Variants in PCDHGA9 observed in about 807,000 individuals in gnomAD.
PCDHGA9 encodes the protein protocadherin gamma-A9.
Under a neutral mutation model 62.5 loss-of-function variants are expected in PCDHGA9, and 37 were observed. The observed-to-expected ratio is 0.59, with a 90% confidence interval of 0.46 to 0.78. The LOEUF (loss-of-function observed/expected upper bound fraction) is 0.78. Ranked by LOEUF, PCDHGA9 falls within the 30% of genes least tolerant of loss-of-function variation. The pLI is 0.00. For missense variants in PCDHGA9, 1,138 were observed against 1,166.2 expected (o/e 0.98, Z 0.35); for synonymous variants, 459 against 484.6 (o/e 0.95, Z 0.69).
chr5:141,474,654 T>C (rs2099352669), intron 1 of PCDHGA9, among the ~76,000 whole-genome samples: 1 of 152,250 alleles, frequency 6.6e-6, no homozygotes, highest in African/African-American at 2.4e-5. Context: ...CTTACTTCTT[T>C]TCTACCTACC....
intron 2 of PCDHGA9, among the ~76,000 whole-genome samples, chr5:141,501,306 C>T (rs1016823458): frequency 5.3e-5 from 8 of 151,412 alleles, no homozygotes; most frequent in Non-Finnish European, 8.8e-5. Context: ...CACACACACA[C>T]ACACACACAC....
At chr5:141,422,002 G>A (rs754599902) in intron 1 of PCDHGA9, 41 of 1,609,306 alleles carry the variant, frequency 2.5e-5, no homozygotes, top group Non-Finnish European at 3.1e-5. Flanking sequence ...CATCAGCTCC[G>A]GAACTCGGGT....
intron 1 of PCDHGA9, among the ~76,000 whole-genome samples, chr5:141,475,520 C>T (rs2099364531): frequency 6.6e-6 from 1 of 152,204 alleles, no homozygotes; most frequent in Non-Finnish European, 1.5e-5. Context: ...CACGGAAATG[C>T]TAAATGCCTC....
chr5:141,484,068 G>C (rs1287427208), intron 1 of PCDHGA9, among the ~76,000 whole-genome samples: 1 of 152,114 alleles, frequency 6.6e-6, no homozygotes, highest in African/African-American at 2.4e-5. Flanking sequence ...TAAGTGAAAA[G>C]CTTGCTCTTT....
chr5:141,418,606 T>A (rs1279991875), intron 1 of PCDHGA9: 1 of 1,614,030 alleles, frequency 6.2e-7, no homozygotes. Context: ...TGTACAGGGT[T>A]AGCCTTCGGG....
chr5:141,510,613 C>T (rs559713771), intron 3 of PCDHGA9, among the ~76,000 whole-genome samples: 17 of 152,298 alleles, frequency 1.1e-4, no homozygotes, highest in Admixed American at 2.0e-4. Context: ...TTAGCATTCA[C>T]TAAAACCAGA....
Position 141,420,043 on chromosome 5 carries a change from G to T in PCDHGA9, c.2424+14667G>T, listed in dbSNP as rs747553514. On this transcript the variant is annotated intron_variant, in intron 1 of 3. Coordinates refer to ENST00000573521, the MANE Select transcript of PCDHGA9 (RefSeq NM_018921.3). ...GCCCTACTGCAGGAGACTGCTTTGAGTCAGTTCTCTGCTCCAAGTCCGGAC... is the reference window on the plus strand; with the variant it reads ...GCCCTACTGCAGGAGACTGCTTTGATTCAGTTCTCTGCTCCAAGTCCGGAC... The T allele has an allele frequency of 1.9e-6, 3 of 1,614,078 alleles. No individual in the cohort carries two copies. In the Admixed American group the frequency reaches 5.0e-5, roughly 27 times the overall value.
At chr5:141,410,631 C>A (rs1227907799) in intron 1 of PCDHGA9, 1 of 1,600,936 alleles carries the variant, frequency 6.2e-7, no homozygotes, top group East Asian at 2.2e-5. Context: ...GTGAGTTTCT[C>A]TTTTTTGTGT....
chr5:141,403,577 C>A lies in PCDHGA9; in HGVS notation c.625C>A (p.His209Asn), dbSNP rs1188693688. ...GGACAGGGAGGAGGCAACTGCCCAC[C>A]ACCTGGTCCTCACGGCCTCGGATGG... ...ALDREEATAH[H>N]LVLTASDGGE... is the part of the protein sequence containing the mutation. The change falls in exon 1 of 4, where the codon CAC becomes AAC. Residue 209 changes from histidine (H) to asparagine (N), a missense_variant. Physicochemically the swap from His to Asn is moderately conservative, Grantham distance 68. Coordinates refer to ENST00000573521, the MANE Select transcript of PCDHGA9 (RefSeq NM_018921.3). 5 of 1,613,812 alleles carry A rather than the reference C, an allele frequency of 3.1e-6. No individual in the cohort carries two copies. The highest frequency in any genetic ancestry group is 3.4e-6 in the Non-Finnish European group (4 of 1,179,902).
At chr5:141,478,098 C>T (rs779493391) in intron 1 of PCDHGA9, 1 of 1,614,142 alleles carries the variant, frequency 6.2e-7, no homozygotes, top group South Asian at 1.1e-5. Flanking sequence ...ACCACTGCTA[C>T]CCTCACTGTG....
intron 1 of PCDHGA9, chr5:141,409,345 A>G (rs1012428329): frequency 6.2e-7 from 1 of 1,614,020 alleles, no homozygotes; most frequent in Non-Finnish European, 8.5e-7. Flanking sequence ...GAAATGGAGA[A>G]GTCAGGTGTA....
At chr5:141,508,017 G>C (rs2099865601) in intron 3 of PCDHGA9, 1 of 152,310 alleles carries the variant, frequency 6.6e-6, no homozygotes, top group Non-Finnish European at 1.5e-5. Context: ...TCTCAAGGAG[G>C]CTGCGGTTTG....
At chr5:141,459,137 G>C (rs1336232891) in intron 1 of PCDHGA9, among the ~76,000 whole-genome samples, 1 of 152,190 alleles carries the variant, frequency 6.6e-6, no homozygotes, top group Non-Finnish European at 1.5e-5. Context: ...TAACCACCAT[G>C]CAATCAAAAT....
At chr5:141,407,856 G>A (rs1038275806) in intron 1 of PCDHGA9, among the ~76,000 whole-genome samples, 2 of 152,210 alleles carry the variant, frequency 1.3e-5, no homozygotes, top group African/African-American at 4.8e-5. Context: ...ATGTACACCT[G>A]CATTTTCGAA....
chr5:141,484,988 G>A (rs1187402042), intron 1 of PCDHGA9: 2 of 604,830 alleles, frequency 3.3e-6, no homozygotes, highest in Admixed American at 3.0e-5. Context: ...CAATCGGGTG[G>A]TGAAAGGCAG....
At position 141,512,114 on chromosome 5, in the gene PCDHGA9, C is replaced by T. The variant is rs2099884080; in HGVS notation, c.*941C>T. ...TAACTAGGCTGGACCCTTCCCACTA[C>T]ATAATAGGGCTCAGCCCAGGCAGCC... On this transcript the variant is annotated 3_prime_UTR_variant, in exon 4 of 4. Coordinates refer to ENST00000573521, the MANE Select transcript of PCDHGA9 (RefSeq NM_018921.3). 2 of 152,696 alleles carry T rather than the reference C, an allele frequency of 1.3e-5. No homozygotes were observed. Among genetic ancestry groups the T allele is most frequent in the African/African-American group, 4.8e-5 (2 of 41,468 alleles). 9.5% of individuals were successfully genotyped at this position (152,696 alleles called of 1,614,324 possible).
chr5:141,419,894 C>T (rs1590201850), intron 1 of PCDHGA9: 2 of 1,613,926 alleles, frequency 1.2e-6, no homozygotes, highest in East Asian at 2.2e-5. Flanking sequence ...CAGCGACCAT[C>T]CCACACCCTC....
At position 141,431,277 on chromosome 5, in the gene PCDHGA9, G is replaced by T; in HGVS notation, c.2424+25901G>T. 6.2e-7 allele frequency: 1 copy of T among 1,614,160 alleles called. No homozygotes were observed. The highest frequency in any genetic ancestry group is 1.3e-5 in the African/African-American group (1 of 75,062). On this transcript the variant is annotated intron_variant, in intron 1 of 3. Transcript: ENST00000573521. This position sits in a 1 kb window ranked among gnomAD's most constrained non-coding sequence, Gnocchi z 4.8. ...AACTCTCTGCAGAGCTACGAGCTCAGCCCGAACACTCACTTCTCCCTCATC... is the reference window on the plus strand; with the variant it reads ...AACTCTCTGCAGAGCTACGAGCTCATCCCGAACACTCACTTCTCCCTCATC...
chr5:141,410,358 T>C, intron 1 of PCDHGA9: 2 of 1,614,070 alleles, frequency 1.2e-6, no homozygotes, highest in Non-Finnish European at 8.5e-7. Flanking sequence ...CGACGCTCTC[T>C]CAGCCCTGCT....
Sources: gnomAD v4.1 joint callset for allele counts (sites outside exome capture counted in the v4.1 genomes callset) on GRCh38, gnomAD v4.1.1 for gene constraint, Gnocchi (gnomAD v3.1) non-coding constraint, MANE v1.5 for transcripts, NCBI Gene and HGNC (gene_info 2026-07-23, HGNC 2026-07-21) for gene names.